CYREN: variants seen among roughly 807,000 people sequenced by gnomAD.
CYREN encodes cell cycle regulator of non-homologous end joining.
In CYREN, 7 loss-of-function variants were observed where a neutral mutation model predicts 9.7. That is an observed-to-expected ratio of 0.72 (90% CI 0.41 to 1.36). The LOEUF (loss-of-function observed/expected upper bound fraction) is 1.36, where lower values mean the gene tolerates loss of function less well. CYREN is among the 40% of genes most tolerant of loss of function. The pLI, the probability that CYREN is intolerant of heterozygous loss-of-function variation, is 0.01. For missense variants in CYREN, 215 were observed against 198.1 expected, an observed-to-expected ratio of 1.09 and a Z score of -0.51; for synonymous variants, 76 against 77.9, an observed-to-expected ratio of 0.98 and a Z score of 0.13.
Position 135,132,741 on chromosome 7 carries a change from A to G in CYREN, n.356+36008T>C, listed in dbSNP as rs1828953297. On this transcript the variant is annotated intron_variant and non_coding_transcript_variant, in intron 2 of 2. Coordinates refer to the CYREN transcript ENST00000459937. ...TGCATAAGCTGTCTTGCGTGCCACCATGTAAGACATGACTTTGCTCCTCCT... is the reference window on the plus strand; with the variant it reads ...TGCATAAGCTGTCTTGCGTGCCACCGTGTAAGACATGACTTTGCTCCTCCT... Among the ~76,000 whole-genome samples, 5 of 152,154 alleles carry G rather than the reference A, an allele frequency of 3.3e-5. No homozygotes were observed. In the South Asian group the frequency reaches 8.3e-4, roughly 25 times the overall value.
At chr7:135,164,959 T>TGAGGGCTGA (rs767980880), downstream of CYREN, 5 of 1,608,594 alleles carry the variant, frequency 3.1e-6, no homozygotes, top group Admixed American at 1.7e-5. Flanking sequence ...GTGTTCCCTC[T>TGAGGGCTGA]GAGGGCTGAG....
intron 3 of CYREN, 178 bp downstream of exon 3, chr7:135,167,554 G>A (rs778648655): frequency 8.4e-5 from 121 of 1,432,066 alleles, no homozygotes; most frequent in Non-Finnish European, 1.1e-4. Flanking sequence ...CCCCACGAGC[G>A]CACACCCACA....
At chr7:135,139,674 A>G (rs1829417300) in intron 2 of CYREN, among the ~76,000 whole-genome samples, 2 of 152,162 alleles carry the variant, frequency 1.3e-5, no homozygotes, top group African/African-American at 4.8e-5. Context: ...GGTATTTTCC[A>G]GGTTTTCTTC....
At chr7:135,161,311 C>G (rs1194050577), downstream of CYREN, among the ~76,000 whole-genome samples, 1 of 152,200 alleles carries the variant, frequency 6.6e-6, no homozygotes, top group Non-Finnish European at 1.5e-5. The surrounding 1 kb of genome is among the most constrained non-coding windows in gnomAD (Gnocchi z 4.1). Context: ...AAAAAGGCAG[C>G]TGTTTTCAAA....
chr7:135,104,561 C>T (rs1319920950), intron 2 of CYREN, among the ~76,000 whole-genome samples: 1 of 152,102 alleles, frequency 6.6e-6, no homozygotes, highest in Non-Finnish European at 1.5e-5. Flanking sequence ...GTATAAGATT[C>T]CCTTTTTTCT....
intron 2 of CYREN, among the ~76,000 whole-genome samples, chr7:135,096,529 A>G (rs1822748049): frequency 6.6e-6 from 1 of 151,300 alleles, no homozygotes; most frequent in Non-Finnish European, 1.5e-5. Flanking sequence ...AAAGAGAAAA[A>G]AACAAAAAGA....
chr7:135,107,436 A>T (rs1824903690), intron 2 of CYREN, among the ~76,000 whole-genome samples: 1 of 152,236 alleles, frequency 6.6e-6, no homozygotes, highest in Non-Finnish European at 1.5e-5. Context: ...TTAATTAAAA[A>T]GAGCTTCTTG....
chr7:135,102,244 GA>G (rs1271997179), intron 2 of CYREN, among the ~76,000 whole-genome samples: 1 of 152,106 alleles, frequency 6.6e-6, no homozygotes, highest in African/African-American at 2.4e-5. Context: ...AGCTTCAATG[GA>G]ACATAAAGTT....
intron 3 of CYREN, chr7:135,167,277 G>A (rs188803242): frequency 1.9e-6 from 2 of 1,069,294 alleles, no homozygotes; most frequent in Non-Finnish European, 2.3e-6. Context: ...ATGCTTTCAA[G>A]GCACCTGGTA....
chr7:135,164,990 G>C (rs776490873), downstream of CYREN: 3 of 1,594,204 alleles, frequency 1.9e-6, no homozygotes, highest in Non-Finnish European at 1.7e-6. Context: ...GCAAGCTTGA[G>C]AGCTGCTAAA....
chr7:135,101,402 T>C (rs1823809221), intron 2 of CYREN: 2 of 359,288 alleles, frequency 5.6e-6, no homozygotes, highest in South Asian at 2.2e-5. Flanking sequence ...ATGAGATTGA[T>C]AGCTATTTTA....
chr7:135,165,142 G>A, downstream of CYREN: 1 of 977,188 alleles, frequency 1.0e-6, no homozygotes, highest in South Asian at 1.9e-5. Context: ...CTGTGTCAAA[G>A]AGGCCGAGGG....
intron 2 of CYREN, among the ~76,000 whole-genome samples, chr7:135,098,705 GAAAGATA>G (rs1823301724): frequency 4.6e-5 from 7 of 152,130 alleles, no homozygotes; most frequent in African/African-American, 1.7e-4. Flanking sequence ...CTACATCAAA[GAAAGATA>G]TCTCAAAGGC....
intron 2 of CYREN, among the ~76,000 whole-genome samples, chr7:135,100,586 G>A (rs1823685097): frequency 6.6e-6 from 1 of 152,110 alleles, no homozygotes; most frequent in Admixed American, 6.5e-5. Context: ...TAAATAAAAT[G>A]GGTTCTGATG....
intron 2 of CYREN, among the ~76,000 whole-genome samples, chr7:135,109,472 C>A (rs1273201209): frequency 6.6e-6 from 1 of 151,948 alleles, no homozygotes; most frequent in Non-Finnish European, 1.5e-5. Context: ...GCCCACATAA[C>A]AAACAGTCTG....
chr7:135,171,194 T>C (rs965595920), upstream of CYREN, among the ~76,000 whole-genome samples: 3 of 152,064 alleles, frequency 2.0e-5, no homozygotes, highest in Non-Finnish European at 4.4e-5. Flanking sequence ...GAAATAACAA[T>C]AGCTAGAATG....
rs539403923 is a variant in CYREN, at chr7:135,118,381, A to G, written n.357-23799T>C. Among the ~76,000 whole-genome samples, 7 of 152,272 alleles carry G rather than the reference A, an allele frequency of 4.6e-5. No individual in the cohort carries two copies. In the East Asian group the frequency reaches 1.2e-3, roughly 25 times the overall value. On this transcript the variant is annotated intron_variant and non_coding_transcript_variant, in intron 2 of 2. Transcript: ENST00000459937. ...TCACCTAGACCCCACCCCAATCTCA[A>G]TGGAGGCTACATATGGAGATGAACC... is the stretch of plus-strand genomic sequence containing the variant.
intron 1 of CYREN, 46 bp from the exon 2 acceptor site, chr7:135,169,106 T>A: frequency 1.7e-6 from 1 of 599,464 alleles, no homozygotes; most frequent in Non-Finnish European, 2.8e-6. Context: ...CCTCCAGTCA[T>A]CAGGCACAGT....
chr7:135,148,242 T>C (rs949491130), intron 2 of CYREN: 1 of 399,580 alleles, frequency 2.5e-6, no homozygotes, highest in Non-Finnish European at 4.9e-6. Flanking sequence ...TTTTCATGAG[T>C]GTTCCTGTGG....
Sources: allele counts gnomAD v4.1 joint callset (sites outside exome capture counted in the v4.1 genomes callset), GRCh38; gene constraint gnomAD v4.1.1; non-coding constraint Gnocchi (gnomAD v3.1); transcripts MANE v1.5; gene names NCBI Gene and HGNC (gene_info 2026-07-23, HGNC 2026-07-21).